Variants in CABIN1 observed in about 807,000 individuals in gnomAD.
CABIN1 encodes calcineurin-binding protein cabin-1.
A neutral mutation model predicts 227.7 loss-of-function variants in CABIN1; 133 were observed. That is an observed-to-expected ratio of 0.58 (90% CI 0.51 to 0.67). The LOEUF is 0.67. Ranked by LOEUF, CABIN1 falls within the 30% of genes least tolerant of loss-of-function variation. The pLI, the probability that CABIN1 is intolerant of heterozygous loss-of-function variation, is 0.00. For synonymous variants in CABIN1, 1,086 were observed against 1,155.1 expected (o/e 0.94, Z 1.21); for missense variants, 2,408 against 2,852.5 (o/e 0.84, Z 3.55).
chr22:24,056,912 T>C (rs4306797), intron 10 of CABIN1, among the ~76,000 whole-genome samples: 12,019 of 151,974 alleles, frequency 0.079, 520 homozygotes, highest in South Asian at 0.11. Context: ...TCCCCAGTGC[T>C]TCTTACTTAG....
intron 10 of CABIN1, 40 bp from the exon 11 acceptor site, chr22:24,059,187 C>T (rs537458670): frequency 1.6e-5 from 26 of 1,613,104 alleles, no homozygotes; most frequent in South Asian, 1.4e-4. Flanking sequence ...TGTGTCAGAA[C>T]GTGTGTTGTG....
intron 28 of CABIN1, among the ~76,000 whole-genome samples, chr22:24,132,611 G>A (rs1041285556): frequency 3.3e-5 from 5 of 151,988 alleles, no homozygotes; most frequent in Non-Finnish European, 5.9e-5. Context: ...TTTTTGAGAC[G>A]GAGTCTCACT....
intron 28 of CABIN1, among the ~76,000 whole-genome samples, chr22:24,124,741 G>A (rs547156856): frequency 3.3e-4 from 51 of 152,248 alleles, no homozygotes; most frequent in South Asian, 1.2e-3. Flanking sequence ...ACTGATGGGT[G>A]TCCAGGAAAA....
intron 10 of CABIN1, among the ~76,000 whole-genome samples, chr22:24,057,859 G>A (rs897772051): frequency 6.6e-6 from 1 of 152,200 alleles, no homozygotes. Context: ...AGAACTGCAG[G>A]ATTGTTCTTT....
At chr22:24,088,122 G>A (rs1321999878) in intron 23 of CABIN1, among the ~76,000 whole-genome samples, 3 of 152,192 alleles carry the variant, frequency 2.0e-5, no homozygotes, top group African/African-American at 7.2e-5. Context: ...TTACACTAGT[G>A]CAGGATACTG....
Position 24,084,741 on chromosome 22 carries a change from A to T in CABIN1, c.3073A>T (p.Ser1025Cys). 1.2e-6 allele frequency: 2 copies of T among 1,614,220 alleles called. No homozygotes were observed. Among genetic ancestry groups the T allele is most frequent in the Non-Finnish European group, 1.7e-6 (2 of 1,180,038 alleles). ...GCCTCGCACAGAGAGGCCAGCCCTT[A>T]GCCTGGACAAAGTCTCTGCCTACAT... ...IVPRTERPAL[S>C]LDKVSAYIEG... Residue 1025 changes from serine (S) to cysteine (C), a missense_variant, in exon 21 of 37, where the codon AGC (serine) becomes TGC (cysteine). Ser to Cys is a moderately radical substitution (Grantham distance 112, BLOSUM62 -1). This residue lies in a region of CABIN1 where 649 missense variants were observed against 910.3 expected (regional missense o/e 0.71). Coordinates refer to ENST00000263119, the MANE Select transcript of CABIN1 (RefSeq NM_012295.4).
chr22:24,043,144 A>G (rs769686042), intron 6 of CABIN1, 60 bp downstream of exon 6: 1 of 1,542,738 alleles, frequency 6.5e-7, no homozygotes, highest in Non-Finnish European at 9.0e-7. Context: ...AGCAGAGGAA[A>G]GGCAGTTTGG....
intron 7 of CABIN1, 107 bp downstream of exon 7, chr22:24,049,327 T>A: frequency 2.9e-6 from 4 of 1,367,728 alleles, no homozygotes; most frequent in Non-Finnish European, 4.1e-6. Context: ...GGAGCCCCTG[T>A]GCTCTGGGGC....
intron 26 of CABIN1, among the ~76,000 whole-genome samples, chr22:24,106,034 G>A (rs1284013463): frequency 6.6e-6 from 1 of 152,210 alleles, no homozygotes; most frequent in Non-Finnish European, 1.5e-5. Flanking sequence ...GGCTGTTCCT[G>A]AGGCCAGAAT....
chr22:24,093,993 G>A (rs1039888894), intron 24 of CABIN1, among the ~76,000 whole-genome samples: 4 of 152,210 alleles, frequency 2.6e-5, no homozygotes, highest in Non-Finnish European at 5.9e-5. Flanking sequence ...GCTTGGCTGC[G>A]CTCATTCGCG....
chr22:24,149,035 T>G (rs1378320665), intron 29 of CABIN1, among the ~76,000 whole-genome samples: 1 of 152,248 alleles, frequency 6.6e-6, no homozygotes, highest in African/African-American at 2.4e-5. Flanking sequence ...TTTGACCAAG[T>G]TGCATCTGAG....
In CABIN1 at chr22:24,062,962, C is replaced by T; in HGVS notation, c.1700C>T (p.Ser567Phe). Residue 567 changes from serine (S) to phenylalanine (F), a missense_variant, in exon 14 of 37, where the codon TCT becomes TTT. Ser to Phe is a radical substitution (Grantham distance 155, BLOSUM62 -2). Transcript: ENST00000263119. The stretch of plus-strand genomic sequence containing the variant: ...TCGTTGGCCTGATGGTTTTTAGTGT[C>T]TCCTCGGAACTGCCCTGCTGGTATG... ...LLTKGRSSAV[S>F]PRNCPAGMVN... 1.2e-6 allele frequency: 2 copies of T among 1,614,122 alleles called. No individual in the cohort carries two copies. Among genetic ancestry groups the T allele is most frequent in the Non-Finnish European group, 1.7e-6 (2 of 1,179,972 alleles).
At chr22:24,087,379 C>A in intron 22 of CABIN1, 73 bp from the exon 23 acceptor site, 1 of 1,589,870 alleles carries the variant, frequency 6.3e-7, no homozygotes, top group Non-Finnish European at 8.5e-7. Flanking sequence ...TCTGCCTGTC[C>A]ACTAGGCTGT....
At chr22:24,094,588 C>T (rs1419220230) in intron 24 of CABIN1, among the ~76,000 whole-genome samples, 3 of 152,012 alleles carry the variant, frequency 2.0e-5, no homozygotes, top group Admixed American at 1.3e-4. Context: ...GAGGCCGAGG[C>T]GGGTGGATCA....
Position 24,059,920 on chromosome 22 carries a change from GC to G in CABIN1, c.1400-3del. Reference sequence around the variant, plus strand: ...AAGTCAGGTTGTTCTTGCTCCCCGGGCAGAAAAGCAGGACGTGCATGAGTTC... The same window carrying G: ...AAGTCAGGTTGTTCTTGCTCCCCGGGAGAAAAGCAGGACGTGCATGAGTTC... On this transcript the variant is annotated splice_region_variant and splice_polypyrimidine_tract_variant and intron_variant, in intron 11 of 36. Coordinates refer to ENST00000263119, the MANE Select transcript of CABIN1 (RefSeq NM_012295.4). The G allele has an allele frequency of 1.9e-6, 3 of 1,613,984 alleles. No homozygotes were observed. Among genetic ancestry groups the G allele is most frequent in the Non-Finnish European group, 2.5e-6 (3 of 1,179,862 alleles).
At chr22:24,171,275 A>C (rs1362014700) in intron 33 of CABIN1, among the ~76,000 whole-genome samples, 1 of 152,174 alleles carries the variant, frequency 6.6e-6, no homozygotes, top group Non-Finnish European at 1.5e-5. Flanking sequence ...TAGCTCCCTC[A>C]GGACTCTCCC....
chr22:24,049,297 T>TC (rs2038139617), intron 7 of CABIN1, 77 bp downstream of exon 7: 1 of 1,543,798 alleles, frequency 6.5e-7, no homozygotes, highest in South Asian at 1.1e-5. Context: ...CACCACATTC[T>TC]CCCCTCAGGT....
At chr22:24,034,340 T>C (rs888983004) in intron 1 of CABIN1, among the ~76,000 whole-genome samples, 1 of 152,264 alleles carries the variant, frequency 6.6e-6, no homozygotes, top group African/African-American at 2.4e-5. Flanking sequence ...TTCATATAAT[T>C]GGAGCCAGAA....
chr22:24,020,256 AT>A (rs1388863684), intron 1 of CABIN1, among the ~76,000 whole-genome samples: 1 of 151,848 alleles, frequency 6.6e-6, no homozygotes, highest in African/African-American at 2.4e-5. Context: ...TCATGTAATT[AT>A]TTTTCCCTTA....
Sources: allele counts gnomAD v4.1 joint callset (sites outside exome capture counted in the v4.1 genomes callset), GRCh38; gene constraint gnomAD v4.1.1; regional missense constraint gnomAD v4.1.1; transcripts MANE v1.5; gene names NCBI Gene and HGNC (gene_info 2026-07-23, HGNC 2026-07-21).